The following RIMS1 variants were observed in gnomAD, a reference collection of about 807,000 sequenced individuals.
RIMS1 encodes the protein regulating synaptic membrane exocytosis protein 1.
Under a neutral mutation model 214.1 loss-of-function variants are expected in RIMS1, and 83 were observed. The observed-to-expected ratio is 0.39, with a 90% confidence interval of 0.32 to 0.47. The LOEUF (loss-of-function observed/expected upper bound fraction) is 0.47. RIMS1 is among the 20% of genes least tolerant of loss of function. RIMS1 has a pLI of 0.99. For synonymous variants in RIMS1, 793 were observed against 786.8 expected, an observed-to-expected ratio of 1.01 and a Z score of -0.13; for missense variants, 2,050 against 2,161.8, an observed-to-expected ratio of 0.95 and a Z score of 1.03.
intron 2 of RIMS1, among the ~76,000 whole-genome samples, chr6:72,068,132 C>T (rs1829752566): frequency 6.6e-6 from 1 of 151,504 alleles, no homozygotes. Context: ...AAGAAAAAAA[C>T]ATCCCACAGG....
At chr6:71,985,265 C>T (rs1242164491) in intron 2 of RIMS1, among the ~76,000 whole-genome samples, 1 of 151,852 alleles carries the variant, frequency 6.6e-6, no homozygotes, top group Non-Finnish European at 1.5e-5. Context: ...GTGGCGTGTG[C>T]CTGTAGTCCC....
chr6:72,100,242 A>T (rs1214127562), intron 4 of RIMS1, among the ~76,000 whole-genome samples: 2 of 152,026 alleles, frequency 1.3e-5, no homozygotes. Flanking sequence ...TTGCAAGCTC[A>T]TTTATCTGCT....
In RIMS1 at chr6:72,402,459, T is replaced by C. The variant is rs2098840673; in HGVS notation, c.*1745T>C. ...TAAATATTTTGGTGTAGATTCCTACTGTGGGGCTGTAACACATGTAGACAC... is the reference window on the plus strand; with the variant it reads ...TAAATATTTTGGTGTAGATTCCTACCGTGGGGCTGTAACACATGTAGACAC... On this transcript the variant is annotated 3_prime_UTR_variant, in exon 34 of 34. Transcript: ENST00000521978. 1 of 152,204 alleles carries C rather than the reference T, an allele frequency of 6.6e-6. No individual in the cohort carries two copies. The highest frequency in any genetic ancestry group is 1.5e-5 in the Non-Finnish European group (1 of 67,904). The allele number at this position is 152,204 out of a possible 1,614,324, so 9.4% of individuals were successfully genotyped here. A position where few individuals can be genotyped will look rare whatever the true frequency, so the allele number is the denominator to read the frequency against.
intron 29 of RIMS1, among the ~76,000 whole-genome samples, chr6:72,390,263 G>A (rs2098681630): frequency 2.0e-5 from 3 of 152,138 alleles, no homozygotes; most frequent in South Asian, 4.2e-4. Context: ...CTATTAGATT[G>A]TTCACCATTA....
At chr6:72,196,831 G>A (rs879360465) in intron 6 of RIMS1, among the ~76,000 whole-genome samples, 3 of 76,140 alleles carry the variant, frequency 3.9e-5, no homozygotes, top group Non-Finnish European at 7.6e-5. Context: ...GTGGAGTAGA[G>A]AGCTATTTGC....
intron 2 of RIMS1, among the ~76,000 whole-genome samples, chr6:72,080,915 TA>T (rs1562267498): frequency 6.6e-6 from 1 of 152,218 alleles, no homozygotes; most frequent in Admixed American, 6.5e-5. Context: ...CAGATGATAA[TA>T]TAATATGAAT....
chr6:72,164,076 A>C (rs990071794), intron 4 of RIMS1, among the ~76,000 whole-genome samples: 4 of 152,146 alleles, frequency 2.6e-5, no homozygotes, highest in South Asian at 2.1e-4. Flanking sequence ...TTACATACTC[A>C]AGCCTTGGCA....
At chr6:72,032,942 G>A (rs1227010848) in intron 2 of RIMS1, among the ~76,000 whole-genome samples, 1 of 152,188 alleles carries the variant, frequency 6.6e-6, no homozygotes, top group Non-Finnish European at 1.5e-5. Flanking sequence ...GTACCAGGGA[G>A]TTCTAAAGAA....
At chr6:72,319,421 T>G (rs2096020440) in intron 28 of RIMS1, among the ~76,000 whole-genome samples, 2 of 152,144 alleles carry the variant, frequency 1.3e-5, no homozygotes, top group South Asian at 4.1e-4. Context: ...CAGAGGATAT[T>G]GAATATAAGG....
intron 1 of RIMS1, among the ~76,000 whole-genome samples, chr6:71,935,452 A>C (rs1165462190): frequency 6.6e-6 from 1 of 152,252 alleles, no homozygotes; most frequent in Admixed American, 6.5e-5. Context: ...TAAGAAAAAA[A>C]CAAAAAATTT....
chr6:71,963,124 G>A (rs34541425), intron 1 of RIMS1, among the ~76,000 whole-genome samples: 31 of 152,096 alleles, frequency 2.0e-4, no homozygotes, highest in Non-Finnish European at 4.0e-4. Context: ...ACACGTCTGA[G>A]GTTGCTGGAC....
rs570095902 is a variant in RIMS1 at position 71,978,853 on chromosome 6, A to G, written c.245+9790A>G. Among the ~76,000 whole-genome samples the G allele has an allele frequency of 6.6e-5, 10 of 152,230 alleles. No homozygotes were observed. In the East Asian group the frequency reaches 1.9e-3, roughly 29 times the overall value. On this transcript the variant is annotated intron_variant, in intron 2 of 33. Coordinates refer to ENST00000521978, the MANE Select transcript of RIMS1 (RefSeq NM_014989.7). ...GAAAAAATGTCCAACTAGGAAAAAA[A>G]ATGTTTTCGCATTTTAGAATAAAGT... is the stretch of plus-strand genomic sequence containing the variant.
intron 6 of RIMS1, among the ~76,000 whole-genome samples, chr6:72,199,469 T>G (rs1382170573): frequency 6.6e-6 from 1 of 152,104 alleles, no homozygotes; most frequent in Non-Finnish European, 1.5e-5. Flanking sequence ...GTTTTCAATT[T>G]TTAGAATAAA....
At chr6:71,999,488 T>C (rs1306154381) in intron 2 of RIMS1, among the ~76,000 whole-genome samples, 2 of 152,144 alleles carry the variant, frequency 1.3e-5, no homozygotes, top group Non-Finnish European at 1.5e-5. Flanking sequence ...ACAAATTATG[T>C]ATTTGTGCTA....
chr6:72,138,684 A>G (rs2041696443), intron 4 of RIMS1, among the ~76,000 whole-genome samples: 1 of 152,306 alleles, frequency 6.6e-6, no homozygotes, highest in Admixed American at 6.5e-5. Context: ...TATAAAAAGT[A>G]AATTTGCATA....
At chr6:71,932,641 A>T (rs1783387757) in intron 1 of RIMS1, among the ~76,000 whole-genome samples, 1 of 152,046 alleles carries the variant, frequency 6.6e-6, no homozygotes, top group Non-Finnish European at 1.5e-5. Flanking sequence ...AAGTAATAAT[A>T]ATAAAAAGAG....
chr6:72,213,370 T>C (rs2054259548), intron 6 of RIMS1: 1 of 660,344 alleles, frequency 1.5e-6, no homozygotes, highest in Non-Finnish European at 2.4e-6. Context: ...GAATAAAGTT[T>C]CCAGTTACCA....
chr6:72,383,108 T>C (rs2098520654), intron 29 of RIMS1, among the ~76,000 whole-genome samples: 1 of 152,208 alleles, frequency 6.6e-6, no homozygotes, highest in South Asian at 2.1e-4. Flanking sequence ...TTAAGTGGCA[T>C]TGCAAGCTGC....
chr6:72,258,160 A>G lies in RIMS1; in HGVS notation c.2806A>G (p.Thr936Ala), dbSNP rs562203870. The change falls in exon 17 of 34, where the codon ACA (threonine) becomes GCA (alanine). Residue 936 changes from threonine to alanine, a missense_variant. Thr to Ala is a moderately conservative substitution (Grantham distance 58, BLOSUM62 0). Transcript: ENST00000521978. The part of the protein sequence containing the change: ...YRSSARESKS[T>A]TLTVPEQQRT... Reference sequence around the variant, plus strand: ...GTCTAGTGCTAGAGAAAGTAAATCTACAACATTAACTGTGCCAGAACAGCA... The same window carrying G: ...GTCTAGTGCTAGAGAAAGTAAATCTGCAACATTAACTGTGCCAGAACAGCA... 2 of 1,613,110 alleles carry G rather than the reference A, an allele frequency of 1.2e-6. No homozygotes were observed. Among genetic ancestry groups the G allele is most frequent in the South Asian group, 1.1e-5 (1 of 91,022 alleles).
Sources: gnomAD v4.1 joint callset for allele counts (sites outside exome capture counted in the v4.1 genomes callset) on GRCh38, gnomAD v4.1.1 for gene constraint, MANE v1.5 for transcripts, NCBI Gene and HGNC (gene_info 2026-07-23, HGNC 2026-07-21) for gene names.